CEP135: variants seen among roughly 807,000 people sequenced by gnomAD.
CEP135 encodes the protein centrosomal protein of 135 kDa.
Under a neutral mutation model 157.3 loss-of-function variants are expected in CEP135, and 142 were observed. That is an observed-to-expected ratio of 0.90 (90% CI 0.79 to 1.04). The LOEUF is 1.04. Ranked by LOEUF, CEP135 falls within the 50% of genes least tolerant of loss-of-function variation. The pLI is 0.00. For synonymous variants in CEP135, 396 were observed against 439.8 expected, an observed-to-expected ratio of 0.90 and a Z score of 1.25; for missense variants, 1,317 against 1,309.2, an observed-to-expected ratio of 1.01 and a Z score of -0.09.
At chr4:55,972,225 G>A (rs1305498637) in intron 10 of CEP135, among the ~76,000 whole-genome samples, 2 of 152,164 alleles carry the variant, frequency 1.3e-5, no homozygotes, top group Non-Finnish European at 1.5e-5. Flanking sequence ...GTGTGTGCCA[G>A]GCCCTGTTTT....
In CEP135 at chr4:55,985,295, G is replaced by A; in HGVS notation, c.1794G>A (p.Val598=). The A allele has an allele frequency of 1.3e-6, 2 of 1,577,294 alleles. No individual in the cohort carries two copies. The highest frequency in any genetic ancestry group is 1.7e-6 in the Non-Finnish European group (2 of 1,149,030). The part of the protein sequence containing the change: ...LREKLEHIEE[V]SLFGKSELEK... ...TTCTTTTTCAGCATATTGAAGAAGTGAGTCTTTTTGGAAAATCAGAATTAG... is the reference window on the plus strand; with the variant it reads ...TTCTTTTTCAGCATATTGAAGAAGTAAGTCTTTTTGGAAAATCAGAATTAG... Residue 598 remains valine (V), a synonymous_variant, in exon 14 of 26, where the codon GTG becomes GTA. Transcript: ENST00000257287.
rs1269108355 is a variant in CEP135, at chr4:55,974,844, A to G, written c.1348A>G (p.Ile450Val). 3 of 1,613,880 alleles carry G rather than the reference A, an allele frequency of 1.9e-6. No homozygotes were observed. In the South Asian group the frequency reaches 3.3e-5, roughly 18 times the overall value. The change falls in exon 11 of 26, where the codon ATA (isoleucine) becomes GTA (valine). Residue 450 changes from isoleucine (I) to valine (V), a missense_variant. Ile to Val is a conservative substitution (Grantham distance 29). Transcript: ENST00000257287. Reference sequence around the variant, plus strand: ...TCGTTTAGATACATTTCTGAAAGGTATAGAAGAAGAACGAGATTATTATAA... The same window carrying G: ...TCGTTTAGATACATTTCTGAAAGGTGTAGAAGAAGAACGAGATTATTATAA... ...PSRLDTFLKG[I>V]EEERDYYKKE... is the part of the protein sequence containing the mutation.
intron 8 of CEP135, among the ~76,000 whole-genome samples, chr4:55,967,562 G>C (rs958660735): frequency 1.6e-4 from 24 of 152,164 alleles, no homozygotes; most frequent in Non-Finnish European, 1.0e-4. Context: ...TTATTAGGTA[G>C]ATCATTTTTA....
At chr4:55,989,928 G>A (rs1031939422) in intron 14 of CEP135, among the ~76,000 whole-genome samples, 1 of 152,140 alleles carries the variant, frequency 6.6e-6, no homozygotes, top group African/African-American at 2.4e-5. Flanking sequence ...CAGATATGAT[G>A]GAGCTCAGCA....
chr4:56,004,481 C>T (rs1214115062), intron 17 of CEP135, among the ~76,000 whole-genome samples: 5 of 152,212 alleles, frequency 3.3e-5, no homozygotes, highest in African/African-American at 1.2e-4. Flanking sequence ...TCAACATGAT[C>T]TGTCCATTAC....
intron 17 of CEP135, among the ~76,000 whole-genome samples, chr4:56,007,823 C>T (rs746575667): frequency 2.0e-5 from 3 of 152,022 alleles, no homozygotes; most frequent in Non-Finnish European, 2.9e-5. Context: ...TCTCTGTGGC[C>T]CAGGAACTGA....
chr4:55,970,410 T>C (rs952723007), intron 9 of CEP135, among the ~76,000 whole-genome samples: 2 of 152,208 alleles, frequency 1.3e-5, no homozygotes, highest in Non-Finnish European at 2.9e-5. Context: ...ACCTGTTGAA[T>C]TGGAAGAGTT....
intron 21 of CEP135, among the ~76,000 whole-genome samples, chr4:56,016,984 T>TG (rs1367445692): frequency 3.3e-5 from 5 of 152,112 alleles, no homozygotes; most frequent in Admixed American, 2.6e-4. Flanking sequence ...AATAGCCTCT[T>TG]GCAATAATTT....
rs767853718 is a variant in CEP135 at position 56,008,317 on chromosome 4, AT to A, written c.2281-7del. The A allele has an allele frequency of 1.5e-5, 24 of 1,601,096 alleles. 1 individual carries two copies. Among genetic ancestry groups the A allele is most frequent in the Non-Finnish European group, 3.4e-6 (4 of 1,172,326 alleles). On this transcript the variant is annotated splice_polypyrimidine_tract_variant and intron_variant, in intron 17 of 25. Coordinates refer to ENST00000257287, the MANE Select transcript of CEP135 (RefSeq NM_025009.5). The stretch of plus-strand genomic sequence containing the variant: ...GTTTAAAATCTTACACATTTTTGTA[AT>A]TTCTATAGGAAAAAGCTGTTGCTCA...
intron 2 of CEP135, 134 bp from the exon 3 acceptor site, chr4:55,952,951 A>G (rs1485176922): frequency 3.7e-5 from 25 of 675,796 alleles, no homozygotes; most frequent in South Asian, 2.3e-4. Flanking sequence ...TCTCCTTCCT[A>G]TATGTGGTCT....
Position 55,952,983 on chromosome 4 carries a change from A to G in CEP135, c.114-102A>G, listed in dbSNP as rs1728404654. The G allele has an allele frequency of 4.1e-6, 4 of 977,908 alleles. No individual in the cohort carries two copies. The South Asian group carries it at 6.3e-5, about 15-fold the overall frequency. 60.6% of individuals were successfully genotyped at this position (977,908 alleles called of 1,614,324 possible). A position where few individuals can be genotyped will look rare whatever the true frequency, so the allele number is the denominator to read the frequency against. ...GTCTGTCGTTGACCAAAATGTCATC[A>G]TGTGGTGCATGACTGTATTTTAAGC... On this transcript the variant is annotated intron_variant, in intron 2 of 25. Coordinates refer to ENST00000257287, the MANE Select transcript of CEP135 (RefSeq NM_025009.5).
Position 55,964,379 on chromosome 4 carries a change from C to T in CEP135, c.805C>T (p.Leu269Phe). ...GTCTAGAAATAAAACCAATGAAAAG[C>T]TTATTGCTCATTTAAATATTCAGGT... is the stretch of plus-strand genomic sequence containing the variant. ...LESRNKTNEK[L>F]IAHLNIQVDF... The change falls in exon 7 of 26, where the codon CTT becomes TTT. Residue 269 changes from leucine (L) to phenylalanine (F), a missense_variant. Physicochemically the swap from Leu to Phe is conservative, Grantham distance 22 (BLOSUM62 0). Coordinates refer to ENST00000257287, the MANE Select transcript of CEP135 (RefSeq NM_025009.5). The T allele has an allele frequency of 6.2e-7, 1 of 1,608,364 alleles. No individual in the cohort carries two copies. Among genetic ancestry groups the T allele is most frequent in the Non-Finnish European group, 8.5e-7 (1 of 1,175,932 alleles).
At chr4:55,965,585 G>T (rs1384223437) in intron 7 of CEP135, 59 bp from the exon 8 acceptor site, 8 of 1,099,628 alleles carry the variant, frequency 7.3e-6, no homozygotes, top group Non-Finnish European at 9.2e-6. Flanking sequence ...TATTTGGAAA[G>T]TCAGTGTTTA....
chr4:55,956,206 T>A (rs1346767497), intron 4 of CEP135, among the ~76,000 whole-genome samples: 1 of 152,150 alleles, frequency 6.6e-6, no homozygotes, highest in Non-Finnish European at 1.5e-5. Flanking sequence ...TACTCCTACC[T>A]CTGTAGGAGT....
At chr4:55,997,381 T>C (rs963610833) in intron 15 of CEP135, among the ~76,000 whole-genome samples, 1 of 152,220 alleles carries the variant, frequency 6.6e-6, no homozygotes, top group Non-Finnish European at 1.5e-5. Context: ...CCTGCCTTTG[T>C]CAACCCCACT....
At chr4:55,987,366 A>T (rs1729624240) in intron 14 of CEP135, among the ~76,000 whole-genome samples, 1 of 151,840 alleles carries the variant, frequency 6.6e-6, no homozygotes, top group Non-Finnish European at 1.5e-5. Context: ...TGGAGCTCTC[A>T]CTCTTTGCAC....
rs1730085578 is a variant in CEP135, at chr4:55,999,419, T to G, written c.2125+2T>G. 6.2e-7 allele frequency: 1 copy of G among 1,613,008 alleles called. No homozygotes were observed. Among genetic ancestry groups the G allele is most frequent in the Admixed American group, 1.7e-5 (1 of 59,786 alleles). On this transcript the variant is annotated splice_donor_variant, in intron 16 of 25. Coordinates refer to ENST00000257287, the MANE Select transcript of CEP135 (RefSeq NM_025009.5). LOFTEE classifies it high-confidence loss of function. ...TTAAAATACTGGAGGAAAAGATAGGTAAATGTTTTAAAATTTTGTTTCTGC... is the reference window on the plus strand; with the variant it reads ...TTAAAATACTGGAGGAAAAGATAGGGAAATGTTTTAAAATTTTGTTTCTGC...
chr4:55,950,462 A>G (rs1728329621), intron 1 of CEP135, among the ~76,000 whole-genome samples: 1 of 152,140 alleles, frequency 6.6e-6, no homozygotes, highest in African/African-American at 2.4e-5. Flanking sequence ...TTAGTTAGCA[A>G]AGGTTAGAAA....
At chr4:56,027,714 G>T (rs1731203327) in intron 25 of CEP135, among the ~76,000 whole-genome samples, 2 of 152,018 alleles carry the variant, frequency 1.3e-5, no homozygotes, top group South Asian at 4.1e-4. Context: ...TAGAGCCAGG[G>T]TCTCACTCTG....
Sources: allele counts gnomAD v4.1 joint callset (sites outside exome capture counted in the v4.1 genomes callset), GRCh38; gene constraint gnomAD v4.1.1; transcripts MANE v1.5; gene names NCBI Gene and HGNC (gene_info 2026-07-23, HGNC 2026-07-21).